DCAF6: variants seen among roughly 807,000 people sequenced by gnomAD.
The protein encoded by DCAF6 is DDB1- and CUL4-associated factor 6.
In DCAF6, 54 loss-of-function variants were observed where a neutral mutation model predicts 125.1. The ratio of observed to expected loss-of-function variants is 0.43; its 90% CI spans 0.35 to 0.54. DCAF6 has a LOEUF of 0.54. DCAF6 is among the 20% of genes least tolerant of loss of function. The probability of loss-of-function intolerance (pLI) is 0.01; values close to 1 mark genes in which losing one functional copy is unlikely to be tolerated. For missense variants in DCAF6, 934 were observed against 1,161.7 expected (o/e 0.80, Z 2.85); for synonymous variants, 371 against 390.4 (o/e 0.95, Z 0.58).
rs913327934 is a variant in DCAF6 at position 167,965,855 on chromosome 1, G to C, written c.160-774G>C. Among the ~76,000 whole-genome samples the C allele has an allele frequency of 2.6e-5, 4 of 152,042 alleles. 1 individual carries two copies. Among genetic ancestry groups the C allele is most frequent in the Non-Finnish European group, 5.9e-5 (4 of 68,002 alleles). ...TCGCCATATTGGTCAGGCTGGTCTC[G>C]AACCTCTGACATCAGGTGATCCACC... On this transcript the variant is annotated intron_variant, in intron 2 of 21. Coordinates refer to ENST00000367840, the MANE Select transcript of DCAF6 (RefSeq NM_001198956.2).
chr1:167,925,476 C>T, the DCAF6 span, among the ~76,000 whole-genome samples: 18,393 of 65,534 alleles, frequency 0.28, 1,919 homozygotes, highest in African/African-American at 0.39. Context: ...TATATATATA[C>T]ATATACATAT....
Position 167,991,237 on chromosome 1 carries a change from T to G in DCAF6, c.586T>G (p.Ser196Ala). The change falls in exon 6 of 22, where the codon TCT becomes GCT. Residue 196 changes from serine to alanine, a missense_variant. Around this residue, in one of 5 missense-constraint regions of DCAF6, gnomAD observed 309 missense variants for 381.2 expected, o/e 0.81. Transcript: ENST00000367840. The part of the protein sequence containing the change: ...ILINCRRAAT[S>A]VAICPPIPYY... ...AATTAACTGTCGACGTGCTGCCACGTCTGTTGCTATTTGCCCACCAATACC... is the reference window on the plus strand; with the variant it reads ...AATTAACTGTCGACGTGCTGCCACGGCTGTTGCTATTTGCCCACCAATACC... 6.2e-7 allele frequency: 1 copy of G among 1,612,814 alleles called. No individual in the cohort carries two copies. The highest frequency in any genetic ancestry group is 8.5e-7 in the Non-Finnish European group (1 of 1,179,800).
intron 4 of DCAF6, among the ~76,000 whole-genome samples, chr1:167,976,059 T>A (rs757171593): frequency 6.6e-6 from 1 of 152,194 alleles, no homozygotes; most frequent in Non-Finnish European, 1.5e-5. Context: ...TACTGGAGAT[T>A]TATGAATTTA....
chr1:168,009,100 G>A (rs947140792), intron 10 of DCAF6, among the ~76,000 whole-genome samples: 7 of 150,302 alleles, frequency 4.7e-5, no homozygotes, highest in African/African-American at 1.7e-4. Context: ...CTGGGTTCAC[G>A]CCATTCTCCT....
At chr1:167,925,475 A>ATATAT in the DCAF6 span, among the ~76,000 whole-genome samples, 1 of 98,502 alleles carries the variant, frequency 1.0e-5, no homozygotes, top group African/African-American at 5.5e-5. Context: ...ATATATATAT[A>ATATAT]CATATACATA....
At chr1:167,979,093 T>G (rs974174916) in intron 4 of DCAF6, among the ~76,000 whole-genome samples, 6 of 152,238 alleles carry the variant, frequency 3.9e-5, no homozygotes, top group African/African-American at 4.8e-5. Flanking sequence ...TGCTTTGTCT[T>G]TAGCATTTAG....
At chr1:167,994,385 A>G (rs2103025279) in intron 7 of DCAF6, among the ~76,000 whole-genome samples, 1 of 152,290 alleles carries the variant, frequency 6.6e-6, no homozygotes. Flanking sequence ...CTAAATGTGT[A>G]TGTCCATGGA....
intron 13 of DCAF6, 106 bp from the exon 14 acceptor site, chr1:168,042,919 A>C: frequency 1.5e-6 from 1 of 657,646 alleles, no homozygotes; most frequent in Non-Finnish European, 2.6e-6. Flanking sequence ...CCTACATTTT[A>C]CTTGTGAATT....
chr1:167,955,293 T>C (rs1381028713), intron 2 of DCAF6, among the ~76,000 whole-genome samples: 1 of 152,208 alleles, frequency 6.6e-6, no homozygotes, highest in Non-Finnish European at 1.5e-5. Context: ...TAAATACCTT[T>C]GAGTGGAATG....
the DCAF6 span, among the ~76,000 whole-genome samples, chr1:167,926,508 AATAT>A: frequency 6.6e-6 from 1 of 152,266 alleles, no homozygotes; most frequent in Non-Finnish European, 1.5e-5. Context: ...TGAGTTTCAG[AATAT>A]ATAATCCTAA....
chr1:168,060,191 TTTG>T (rs1691407330), intron 17 of DCAF6, among the ~76,000 whole-genome samples: 1 of 152,106 alleles, frequency 6.6e-6, no homozygotes, highest in African/African-American at 2.4e-5. Flanking sequence ...AGTTTTGGTT[TTTG>T]TTGTTGTTTT....
the DCAF6 span, among the ~76,000 whole-genome samples, chr1:167,898,293 A>G: frequency 6.6e-6 from 1 of 152,064 alleles, no homozygotes; most frequent in East Asian, 1.9e-4. Flanking sequence ...AACAATTTTT[A>G]AAGGTATCAA....
rs116559787 is a variant in DCAF6, at chr1:168,020,169, C to T, written c.1550-2819C>T. ...TCCTATGTGCTGTCTGAATATTTTA[C>T]ATGGATTATCTCATTACATCTTCAG... On this transcript the variant is annotated intron_variant, in intron 11 of 21. Transcript: ENST00000367840. Among the ~76,000 whole-genome samples, 461 of 152,278 alleles carry T rather than the reference C, an allele frequency of 3.0e-3. 4 individuals carry two copies. The highest frequency in any genetic ancestry group is 0.011 in the African/African-American group (450 of 41,562).
At chr1:168,070,920 C>T (rs1015786545) in intron 21 of DCAF6, among the ~76,000 whole-genome samples, 15 of 152,184 alleles carry the variant, frequency 9.9e-5, no homozygotes, top group Non-Finnish European at 2.9e-5. Flanking sequence ...TGCATTATCT[C>T]TTGACATTCT....
intron 1 of DCAF6, among the ~76,000 whole-genome samples, chr1:167,947,049 G>C (rs73024135): frequency 0.1 from 15,724 of 152,052 alleles, 907 homozygotes; most frequent in African/African-American, 0.14. Flanking sequence ...ATTAATTCTT[G>C]CTGCTCATTA....
chr1:168,042,940 C>A, intron 13 of DCAF6, 85 bp from the exon 14 acceptor site: 1 of 956,920 alleles, frequency 1.0e-6, no homozygotes, highest in Non-Finnish European at 1.6e-6. Context: ...TTTTGGTCTA[C>A]CTTTCTAGTT....
chr1:167,870,386 A>G, the DCAF6 span: 1 of 1,611,452 alleles, frequency 6.2e-7, no homozygotes, highest in Non-Finnish European at 8.5e-7. Flanking sequence ...AGTATACATG[A>G]AGTAGTTGAT....
intron 1 of DCAF6, 45 bp downstream of exon 1, chr1:167,937,053 A>G: frequency 6.6e-7 from 1 of 1,513,524 alleles, no homozygotes; most frequent in Non-Finnish European, 9.0e-7. Context: ...CGCCGCCTAG[A>G]GTGGGGGAGG....
At chr1:167,880,038 T>G in the DCAF6 span, 1 of 1,268,986 alleles carries the variant, frequency 7.9e-7, no homozygotes, top group Non-Finnish European at 1.1e-6. Context: ...CTCATTTTTG[T>G]GCTTCCTCCC....
Sources: allele counts gnomAD v4.1 joint callset (sites outside exome capture counted in the v4.1 genomes callset), GRCh38; gene constraint gnomAD v4.1.1; regional missense constraint gnomAD v4.1.1; transcripts MANE v1.5; gene names NCBI Gene and HGNC (gene_info 2026-07-23, HGNC 2026-07-21).